MTERF4: variants seen among roughly 807,000 people sequenced by gnomAD.
MTERF4 encodes mitochondrial transcription termination factor 4, also known as transcription termination factor 4, mitochondrial.
A neutral mutation model predicts 22.5 loss-of-function variants in MTERF4; 17 were observed. The ratio of observed to expected loss-of-function variants is 0.75; its 90% CI spans 0.52 to 1.13. MTERF4 has a LOEUF of 1.13. Ranked by LOEUF, MTERF4 falls within the 50% of genes most tolerant of loss-of-function variation. MTERF4 has a pLI of 0.00. For missense variants in MTERF4, 420 were observed against 466.8 expected, an observed-to-expected ratio of 0.90 and a Z score of 0.92; for synonymous variants, 165 against 175.3, an observed-to-expected ratio of 0.94 and a Z score of 0.47.
Position 241,099,664 on chromosome 2 carries a change from A to G in MTERF4, c.252T>C (p.Pro84=), listed in dbSNP as rs375480282. The G allele has an allele frequency of 6.2e-7, 1 of 1,614,204 alleles. No individual in the cohort carries two copies. Among genetic ancestry groups the G allele is most frequent in the Non-Finnish European group, 8.5e-7 (1 of 1,180,030 alleles). ...CTAGCTCCAAGGACCCTTGTACCAC[A>G]GGAGTCCCCTGCTTCTCAAGGAGGC... ...VQCLLEKQGT[P]VVQGSLELER... The change falls in exon 2 of 4, where the codon CCT becomes CCC. Residue 84 remains proline (P), a synonymous_variant. Coordinates refer to ENST00000391980, the MANE Select transcript of MTERF4 (RefSeq NM_182501.4).
downstream of MTERF4, among the ~76,000 whole-genome samples, chr2:241,068,129 C>G (rs918489458): frequency 6.6e-6 from 1 of 152,154 alleles, no homozygotes; most frequent in African/African-American, 2.4e-5. The surrounding 1 kb of genome is among the most constrained non-coding windows in gnomAD (Gnocchi z 5.3). Flanking sequence ...TCACTCCCGC[C>G]TCACCTCATC....
At chr2:241,099,970 AG>A in intron 1 of MTERF4, 76 bp from the exon 2 acceptor site, 1 of 1,514,418 alleles carries the variant, frequency 6.6e-7, no homozygotes, top group East Asian at 2.3e-5. Context: ...CTTCTGAGCC[AG>A]AGTACTTACT....
At chr2:241,094,359 C>T (rs1325998209), downstream of MTERF4, 8 of 470,472 alleles carry the variant, frequency 1.7e-5, no homozygotes, top group Admixed American at 7.1e-5. The surrounding 1 kb of genome is among the most constrained non-coding windows in gnomAD (Gnocchi z 4.3). Flanking sequence ...GCGATGTGGA[C>T]GGAGTCACCG....
At chr2:241,051,576 C>G in the MTERF4 span, 1 of 491,002 alleles carries the variant, frequency 2.0e-6, no homozygotes, top group East Asian at 3.2e-5. This position sits in a 1 kb window ranked among gnomAD's most constrained non-coding sequence, Gnocchi z 4.7. Context: ...CACCCCAGCC[C>G]CCACCATGTG....
chr2:241,071,724 C>T, downstream of MTERF4: 2 of 1,319,786 alleles, frequency 1.5e-6, no homozygotes, highest in South Asian at 1.3e-5. Flanking sequence ...CCCCCAGGTA[C>T]ATGCCCCACC....
chr2:241,094,223 T>C, downstream of MTERF4: 1 of 444,080 alleles, frequency 2.3e-6, no homozygotes, highest in South Asian at 1.6e-5. The surrounding 1 kb of genome is among the most constrained non-coding windows in gnomAD (Gnocchi z 4.3). Flanking sequence ...CTGTGCCCAC[T>C]GTCCTCCAGT....
At chr2:241,068,010 G>A (rs1017734909), downstream of MTERF4, 58 of 1,456,510 alleles carry the variant, frequency 4.0e-5, no homozygotes, top group African/African-American at 2.1e-4. This position sits in a 1 kb window ranked among gnomAD's most constrained non-coding sequence, Gnocchi z 5.3. Context: ...TCGGGGACAC[G>A]GGGCCCAGGT....
At chr2:241,100,095 G>C in intron 1 of MTERF4, 4 of 589,242 alleles carry the variant, frequency 6.8e-6, no homozygotes, top group Non-Finnish European at 1.2e-5. Flanking sequence ...AGGCCACAGA[G>C]ATGGGAGTCA....
downstream of MTERF4, among the ~76,000 whole-genome samples, chr2:241,069,307 T>C (rs2062599382): frequency 6.6e-6 from 1 of 152,126 alleles, no homozygotes; most frequent in South Asian, 2.1e-4. The surrounding 1 kb of genome is among the most constrained non-coding windows in gnomAD (Gnocchi z 4.9). Context: ...CCAGAGGACC[T>C]CACTGGGCCA....
downstream of MTERF4, among the ~76,000 whole-genome samples, chr2:241,068,269 C>T (rs145288642): frequency 1.6e-3 from 245 of 151,372 alleles, no homozygotes; most frequent in Non-Finnish European, 2.2e-3. The surrounding 1 kb of genome is among the most constrained non-coding windows in gnomAD (Gnocchi z 5.3). Context: ...CAGAGAGCAG[C>T]GGCCAGCGAG....
chr2:241,060,661 G>C, the MTERF4 span, among the ~76,000 whole-genome samples: 1 of 152,082 alleles, frequency 6.6e-6, no homozygotes, highest in East Asian at 1.9e-4. Context: ...AAACTATACA[G>C]GGCCGGGCAC....
At chr2:241,082,343 A>G, downstream of MTERF4, 2 of 1,613,150 alleles carry the variant, frequency 1.2e-6, no homozygotes, top group Non-Finnish European at 1.7e-6. Flanking sequence ...CCAGTCTGGG[A>G]GGGAGGCGTC....
downstream of MTERF4, chr2:241,071,600 G>A (rs777252772): frequency 2.4e-5 from 38 of 1,587,996 alleles, no homozygotes; most frequent in South Asian, 3.4e-5. Context: ...GCTGACAGAC[G>A]CTGGCACCAG....
chr2:241,078,287 G>A (rs2063137636), intron 4 of MTERF4, among the ~76,000 whole-genome samples: 1 of 151,426 alleles, frequency 6.6e-6, no homozygotes, highest in African/African-American at 2.4e-5. Context: ...GGAGGCTGAG[G>A]CAGGAGAATC....
chr2:241,067,834 G>A (rs1425749767), downstream of MTERF4: 1 of 1,613,496 alleles, frequency 6.2e-7, no homozygotes. Flanking sequence ...AGTGGGCCCT[G>A]CACAGGATCC....
chr2:241,065,292 C>G, the MTERF4 span: 1 of 1,612,246 alleles, frequency 6.2e-7, no homozygotes, highest in Non-Finnish European at 8.5e-7. Flanking sequence ...TGACCCAAAC[C>G]CTGAAGAGCT....
chr2:241,077,981 C>A (rs1387863653), intron 4 of MTERF4, among the ~76,000 whole-genome samples: 1 of 152,082 alleles, frequency 6.6e-6, no homozygotes, highest in East Asian at 1.9e-4. Flanking sequence ...TAGGTATATA[C>A]CCAAGAGAAA....
intron 4 of MTERF4, among the ~76,000 whole-genome samples, chr2:241,079,763 A>G (rs1283341609): frequency 6.6e-6 from 1 of 152,190 alleles, no homozygotes; most frequent in East Asian, 1.9e-4. Context: ...ATTGCAAGCG[A>G]TTTTAATAAG....
At chr2:241,082,370 T>G, downstream of MTERF4, 1 of 1,609,878 alleles carries the variant, frequency 6.2e-7, no homozygotes, top group South Asian at 1.1e-5. Context: ...CACGTGTAAG[T>G]TGGTTTCTGT....
Sources: allele counts gnomAD v4.1 joint callset (sites outside exome capture counted in the v4.1 genomes callset), GRCh38; gene constraint gnomAD v4.1.1; non-coding constraint Gnocchi (gnomAD v3.1); transcripts MANE v1.5; gene names NCBI Gene and HGNC (gene_info 2026-07-23, HGNC 2026-07-21).